Variants in TRIO observed in about 807,000 individuals in gnomAD.
TRIO encodes the protein trio Rho guanine nucleotide exchange factor.
Under a neutral mutation model 351.9 loss-of-function variants are expected in TRIO, and 58 were observed. The observed-to-expected ratio is 0.16, with a 90% CI of 0.13 to 0.21. The LOEUF (loss-of-function observed/expected upper bound fraction) is 0.21, where lower values mean the gene tolerates loss of function less well. Ranked by LOEUF, TRIO falls within the 10% of genes least tolerant of loss-of-function variation. The pLI is 1.00. For missense variants in TRIO, 3,201 were observed against 4,027.8 expected (o/e 0.79, Z 5.56); for synonymous variants, 1,758 against 1,595.7 (o/e 1.10, Z -2.42).
chr5:14,295,346 A>G (rs1561304003), intron 6 of TRIO, among the ~76,000 whole-genome samples: 1 of 152,240 alleles, frequency 6.6e-6, no homozygotes, highest in Admixed American at 6.5e-5. Flanking sequence ...GGAATTGCAC[A>G]TTACCATATT....
intron 53 of TRIO, among the ~76,000 whole-genome samples, chr5:14,500,413 A>C (rs1757203645): frequency 6.6e-6 from 1 of 152,178 alleles, no homozygotes; most frequent in South Asian, 2.1e-4. Context: ...ACAAAGCCTT[A>C]TTCTCAGTCC....
Position 14,316,601 on chromosome 5 carries a change from A to G in TRIO, c.1589A>G (p.Tyr530Cys). 1.9e-6 allele frequency: 3 copies of G among 1,613,710 alleles called. No homozygotes were observed. Among genetic ancestry groups the G allele is most frequent in the Non-Finnish European group, 2.5e-6 (3 of 1,179,924 alleles). ...GATTCCCTGACAGCCTCTGCCAACT[A>G]CTCCAAGGCCGTGCACCATGTCCTG... is the stretch of plus-strand genomic sequence containing the variant. ...SSDSLTASAN[Y>C]SKAVHHVLDV... Residue 530 changes from tyrosine (Y) to cysteine (C), a missense_variant, in exon 9 of 57, where the codon TAC (tyrosine) becomes TGC (cysteine). By Grantham distance (194) the Tyr-to-Cys change is radical. Coordinates refer to ENST00000344204, the MANE Select transcript of TRIO (RefSeq NM_007118.4).
At chr5:14,389,456 T>G in intron 25 of TRIO, 58 bp downstream of exon 25, 3 of 1,255,650 alleles carry the variant, frequency 2.4e-6, no homozygotes, top group Non-Finnish European at 3.4e-6. Context: ...TGAAGTTTCA[T>G]CACAAGAAAT....
chr5:14,240,877 C>G (rs1462522012), intron 1 of TRIO, among the ~76,000 whole-genome samples: 2 of 152,230 alleles, frequency 1.3e-5, no homozygotes, highest in African/African-American at 4.8e-5. Context: ...TTCATTAAAA[C>G]TGTTGGCAAA....
intron 1 of TRIO, among the ~76,000 whole-genome samples, chr5:14,266,954 T>A: frequency 6.6e-6 from 1 of 152,242 alleles, no homozygotes; most frequent in East Asian, 1.9e-4. Context: ...TCTTGCTGTT[T>A]CACTGTTTCC....
chr5:14,237,774 G>A (rs889122590), intron 1 of TRIO, among the ~76,000 whole-genome samples: 1 of 152,206 alleles, frequency 6.6e-6, no homozygotes, highest in African/African-American at 2.4e-5. Flanking sequence ...TTCTTAGTTC[G>A]CCAATAATAT....
intron 1 of TRIO, among the ~76,000 whole-genome samples, chr5:14,270,414 G>A (rs1472492531): frequency 2.0e-5 from 3 of 152,172 alleles, no homozygotes; most frequent in African/African-American, 7.2e-5. Flanking sequence ...CCCCCTAGAG[G>A]TTTTAGGATG....
chr5:14,475,893 A>G (rs1755040792), intron 40 of TRIO, among the ~76,000 whole-genome samples: 1 of 152,208 alleles, frequency 6.6e-6, no homozygotes, highest in African/African-American at 2.4e-5. Context: ...GAGTTAATGT[A>G]ATACCAAATA....
chr5:14,209,971 C>G (rs955358020), intron 1 of TRIO, among the ~76,000 whole-genome samples: 1 of 152,168 alleles, frequency 6.6e-6, no homozygotes, highest in African/African-American at 2.4e-5. Context: ...GTGCTGAGCT[C>G]CCTGTGTGCG....
chr5:14,343,802 C>A (rs1033666968), intron 11 of TRIO, among the ~76,000 whole-genome samples: 4 of 152,178 alleles, frequency 2.6e-5, no homozygotes, highest in African/African-American at 9.7e-5. Flanking sequence ...TTGCTGGGTC[C>A]TTTGGTAAGC....
At chr5:14,264,008 A>G (rs894657317) in intron 1 of TRIO, among the ~76,000 whole-genome samples, 2 of 152,238 alleles carry the variant, frequency 1.3e-5, no homozygotes, top group African/African-American at 4.8e-5. Flanking sequence ...TGTAAGAAAT[A>G]GAGTCCCTTT....
At chr5:14,280,640 G>A (rs1407820893) in intron 3 of TRIO, among the ~76,000 whole-genome samples, 1 of 152,194 alleles carries the variant, frequency 6.6e-6, no homozygotes, top group Non-Finnish European at 1.5e-5. Context: ...CATGAAGGTA[G>A]GTAAGAGCTT....
rs115693154 is a variant in TRIO at position 14,330,454 on chromosome 5, A to G, written c.1732-324A>G. Among the ~76,000 whole-genome samples the G allele has an allele frequency of 2.1e-3, 315 of 152,312 alleles. 1 individual carries two copies. The highest frequency in any genetic ancestry group is 3.4e-3 in the Non-Finnish European group (234 of 68,044). Reference sequence around the variant, plus strand: ...CTAATCACTGTCTTATACAATACCCAGTCAGTTTGGTGGCCCAGTGGTGCA... The same window carrying G: ...CTAATCACTGTCTTATACAATACCCGGTCAGTTTGGTGGCCCAGTGGTGCA... On this transcript the variant is annotated intron_variant, in intron 9 of 56. Transcript: ENST00000344204.
intron 30 of TRIO, among the ~76,000 whole-genome samples, chr5:14,399,928 C>A (rs750210760): frequency 5.3e-5 from 8 of 152,166 alleles, no homozygotes; most frequent in Non-Finnish European, 8.8e-5. Context: ...TACAGCAGAT[C>A]TCTTATAAAT....
chr5:14,403,206 T>G, intron 31 of TRIO, among the ~76,000 whole-genome samples: 1 of 98,038 alleles, frequency 1.0e-5, no homozygotes, highest in South Asian at 3.9e-4. Flanking sequence ...CAGGTTGTGG[T>G]GAGGGTGCAG....
Position 14,492,648 on chromosome 5 carries a change from G to A in TRIO, c.7714G>A (p.Val2572Ile), listed in dbSNP as rs756473641. ...GGCAGTGAAGGAGGATGAGATCAACGTCTACCAAGGAGAGGTCGTTCAAAT... is the reference window on the plus strand; with the variant it reads ...GGCAGTGAAGGAGGATGAGATCAACATCTACCAAGGAGAGGTCGTTCAAAT... ...YTAVKEDEIN[V>I]YQGEVVQILA... The change falls in exon 49 of 57, where the codon GTC (valine) becomes ATC (isoleucine). Residue 2572 changes from valine to isoleucine, a missense_variant. By Grantham distance (29) the Val-to-Ile change is conservative. Around this residue, in one of 19 missense-constraint regions of TRIO, gnomAD observed 1,089 missense variants for 954.9 expected, o/e 1.14. Coordinates refer to ENST00000344204, the MANE Select transcript of TRIO (RefSeq NM_007118.4). 1.2e-5 allele frequency: 20 copies of A among 1,614,084 alleles called. No individual in the cohort carries two copies. The highest frequency in any genetic ancestry group is 1.7e-5 in the Admixed American group (1 of 60,000).
intron 41 of TRIO, among the ~76,000 whole-genome samples, chr5:14,477,700 A>G (rs1036496829): frequency 1.4e-4 from 22 of 152,326 alleles, no homozygotes; most frequent in African/African-American, 4.8e-5. Context: ...CATTAAATAC[A>G]TTGAACTATT....
rs567833780 is a variant in TRIO, at chr5:14,381,315, A to G, written c.3570+63A>G. ...TCGAAAGCGAGTCTTCAAAAATATC[A>G]TAAAGAAATACCTCATGAGATTGGA... On this transcript the variant is annotated intron_variant, in intron 21 of 56. Transcript: ENST00000344204. 3.9e-6 allele frequency: 6 copies of G among 1,527,980 alleles called. No homozygotes were observed. The African/African-American group carries it at 5.6e-5, about 14-fold the overall frequency. The allele number at this position is 1,527,980 out of a possible 1,614,324, so 94.7% of individuals were successfully genotyped here.
chr5:14,442,885 T>C (rs1011357031), intron 34 of TRIO, among the ~76,000 whole-genome samples: 27 of 152,226 alleles, frequency 1.8e-4, no homozygotes, highest in Admixed American at 1.7e-3. Context: ...TTTCTTTGTC[T>C]GCAAAGTGGG....
Sources: allele counts gnomAD v4.1 joint callset (sites outside exome capture counted in the v4.1 genomes callset), GRCh38; gene constraint gnomAD v4.1.1; regional missense constraint gnomAD v4.1.1; transcripts MANE v1.5; gene names NCBI Gene and HGNC (gene_info 2026-07-23, HGNC 2026-07-21).